The following ARL10 variants were observed in gnomAD, a reference collection of about 807,000 sequenced individuals.
ARL10 encodes the protein ARF like GTPase 10.
In ARL10, 23 loss-of-function variants were observed where a neutral mutation model predicts 26.1. The observed-to-expected ratio is 0.88, with a 90% CI of 0.63 to 1.25. ARL10 has a LOEUF of 1.25. ARL10 is among the 50% of genes most tolerant of loss of function. The probability of loss-of-function intolerance (pLI) is 0.00; values close to 1 mark genes in which losing one functional copy is unlikely to be tolerated. For synonymous variants in ARL10, 138 were observed against 149.1 expected, an observed-to-expected ratio of 0.93 and a Z score of 0.54; for missense variants, 300 against 323.6, an observed-to-expected ratio of 0.93 and a Z score of 0.56.
rs1207172259 is a variant in ARL10, at chr5:176,380,557, A to C, written c.*8662A>C. 6.7e-6 allele frequency: 1 copy of C among 149,882 alleles called. No homozygotes were observed. The highest frequency in any genetic ancestry group is 1.5e-5 in the Non-Finnish European group (1 of 67,744). 9.3% of individuals were successfully genotyped at this position (149,882 alleles called of 1,614,324 possible). A position where few individuals can be genotyped will look rare whatever the true frequency, so the allele number is the denominator to read the frequency against. ...AATGGCACGATCTCAGCTCACTGCA[A>C]CCTCCGCCTCCCAGGTTCAAGCAAT... On this transcript the variant is annotated 3_prime_UTR_variant, in exon 4 of 4. Transcript: ENST00000310389.
chr5:176,376,515 G>A lies in ARL10; in HGVS notation c.*4620G>A, dbSNP rs941761065. 6.6e-6 allele frequency: 1 copy of A among 152,184 alleles called. No homozygotes were observed. Among genetic ancestry groups the A allele is most frequent in the African/African-American group, 2.4e-5 (1 of 41,438 alleles). The allele number at this position is 152,184 out of a possible 1,614,324, so 9.4% of individuals were successfully genotyped here. On this transcript the variant is annotated 3_prime_UTR_variant, in exon 4 of 4. Coordinates refer to ENST00000310389, the MANE Select transcript of ARL10 (RefSeq NM_173664.6). ...CAACAGGAACTCCAGTTTCTTGCTAGAGCATTAGCCTTTGCTAAAGCCGGC... is the reference window on the plus strand; with the variant it reads ...CAACAGGAACTCCAGTTTCTTGCTAAAGCATTAGCCTTTGCTAAAGCCGGC...
In ARL10 at chr5:176,375,242, A is replaced by T. The variant is rs981444781; in HGVS notation, c.*3347A>T. ...CATCCACCCATCCATCCATCCATCCATCCATCCTTCCATCCATCCACCCAT... is the reference window on the plus strand; with the variant it reads ...CATCCACCCATCCATCCATCCATCCTTCCATCCTTCCATCCATCCACCCAT... On this transcript the variant is annotated 3_prime_UTR_variant, in exon 4 of 4. Transcript: ENST00000310389. 31 of 137,302 alleles carry T rather than the reference A, an allele frequency of 2.3e-4. 1 individual carries two copies. The highest frequency in any genetic ancestry group is 8.3e-4 in the African/African-American group (30 of 35,940). 8.5% of individuals were successfully genotyped at this position (137,302 alleles called of 1,614,324 possible).
At chr5:176,387,956 AG>A (rs772236243) in intron 1 of ARL10, among the ~76,000 whole-genome samples, 25 of 152,230 alleles carry the variant, frequency 1.6e-4, no homozygotes, top group Non-Finnish European at 3.4e-4. Context: ...GGGTAGAAAA[AG>A]ATAAATTAAG....
chr5:176,385,407 A>T, downstream of ARL10: 1 of 810,504 alleles, frequency 1.2e-6, no homozygotes, highest in Non-Finnish European at 2.1e-6. Flanking sequence ...TCACCCCTTC[A>T]CCCACTCCCA....
chr5:176,370,006 T>C (rs1446467277), intron 3 of ARL10, among the ~76,000 whole-genome samples: 1 of 151,250 alleles, frequency 6.6e-6, no homozygotes, highest in East Asian at 1.9e-4. Context: ...ATGCTAAAGC[T>C]GTACCTTTTC....
At chr5:176,370,945 A>T (rs1768509578) in intron 3 of ARL10, among the ~76,000 whole-genome samples, 1 of 152,218 alleles carries the variant, frequency 6.6e-6, no homozygotes, top group African/African-American at 2.4e-5. Flanking sequence ...ACCTGGCTCT[A>T]CCACCTATCA....
At chr5:176,414,490 G>A in the ARL10 span, among the ~76,000 whole-genome samples, 1 of 147,408 alleles carries the variant, frequency 6.8e-6, no homozygotes, top group Non-Finnish European at 1.5e-5. Context: ...GGAGTACAGA[G>A]ACGTGATCAC....
chr5:176,365,698 C>T lies in ARL10; in HGVS notation c.135C>T (p.Ala45=). ...AGCGGCGCTGGGACCGGGGAGAGGC[C>T]TGGTGGGGCGCGGAGGCTGCCCGCC... ...GRERRWDRGE[A]WWGAEAARLP... The change falls in exon 1 of 4, where the codon GCC becomes GCT. Residue 45 remains alanine (A), a synonymous_variant. Transcript: ENST00000310389. 3 of 1,241,548 alleles carry T rather than the reference C, an allele frequency of 2.4e-6. No individual in the cohort carries two copies. The South Asian group carries it at 1.1e-4, about 47-fold the overall frequency. The allele number at this position is 1,241,548 out of a possible 1,614,324, so 76.9% of individuals were successfully genotyped here. A position where few individuals can be genotyped will look rare whatever the true frequency, so the allele number is the denominator to read the frequency against.
At chr5:176,388,551 C>A (rs557670787) in exon 2 of ARL10, 1 of 1,602,908 alleles carries the variant, frequency 6.2e-7, no homozygotes, top group South Asian at 1.1e-5. Flanking sequence ...GCGCTGACCA[C>A]CGCACCAGCA....
At chr5:176,391,960 G>A (rs374592189), downstream of ARL10, among the ~76,000 whole-genome samples, 4 of 152,214 alleles carry the variant, frequency 2.6e-5, no homozygotes, top group East Asian at 1.9e-4. Flanking sequence ...GGTCATGAAC[G>A]TCCTGTTTGC....
chr5:176,382,078 G>A (rs1034866165), downstream of ARL10, among the ~76,000 whole-genome samples: 1 of 152,184 alleles, frequency 6.6e-6, no homozygotes, highest in African/African-American at 2.4e-5. Context: ...AGGGCTGCTG[G>A]CCTGTCCTCA....
At chr5:176,394,586 G>T (rs561066215) in intron 1 of ARL10, among the ~76,000 whole-genome samples, 3 of 149,786 alleles carry the variant, frequency 2.0e-5, no homozygotes, top group Admixed American at 1.3e-4. Context: ...GGGAGGCCAA[G>T]GTGGGCGGAT....
downstream of ARL10, chr5:176,406,420 C>T (rs1043321040): frequency 2.8e-5 from 33 of 1,161,298 alleles, no homozygotes; most frequent in African/African-American, 1.8e-4. Flanking sequence ...GCGTGTGCTG[C>T]GACTCCAGGG....
At chr5:176,366,281 G>A (rs1768296338) in intron 1 of ARL10, 99 bp from the exon 2 acceptor site, 2 of 1,406,076 alleles carry the variant, frequency 1.4e-6, no homozygotes, top group Admixed American at 4.2e-5. Flanking sequence ...CCCAGGACGG[G>A]TGGAAGGCGG....
At chr5:176,405,160 T>A (rs2113660970), downstream of ARL10, among the ~76,000 whole-genome samples, 1 of 152,184 alleles carries the variant, frequency 6.6e-6, no homozygotes, top group South Asian at 2.1e-4. Context: ...TGGGCTCCCA[T>A]TCACTTCTTT....
At chr5:176,370,140 G>T (rs73328125) in intron 3 of ARL10, among the ~76,000 whole-genome samples, 1 of 152,160 alleles carries the variant, frequency 6.6e-6, no homozygotes, top group Non-Finnish European at 1.5e-5. Flanking sequence ...TGCCATACAT[G>T]TGGTAAGCAC....
At chr5:176,404,277 G>GC (rs989561897), downstream of ARL10, among the ~76,000 whole-genome samples, 1 of 152,154 alleles carries the variant, frequency 6.6e-6, no homozygotes, top group African/African-American at 2.4e-5. Context: ...AGCTCCGGTT[G>GC]CCCCCAGGTC....
chr5:176,390,462 CTG>C (rs533159331), downstream of ARL10, among the ~76,000 whole-genome samples: 373 of 152,230 alleles, frequency 2.5e-3, no homozygotes, highest in Middle Eastern at 0.017. Flanking sequence ...ACGAGTCTCA[CTG>C]TGTCAGCCAG....
Position 176,369,130 on chromosome 5 carries a change from C to G in ARL10, c.561+148C>G, listed in dbSNP as rs1311017023. On this transcript the variant is annotated intron_variant, in intron 3 of 3. Transcript: ENST00000310389. ...CTTCTACCTATGCCCTGTCCTGATC[C>G]CTGCCTCTGTCTTCCTTCCTCTTTG... 10 of 1,535,440 alleles carry G rather than the reference C, an allele frequency of 6.5e-6. No homozygotes were observed. In the East Asian group the frequency reaches 2.4e-4, roughly 38 times the overall value.
Sources: gnomAD v4.1 joint callset for allele counts (sites outside exome capture counted in the v4.1 genomes callset) on GRCh38, gnomAD v4.1.1 for gene constraint, MANE v1.5 for transcripts, NCBI Gene and HGNC (gene_info 2026-07-23, HGNC 2026-07-21) for gene names.